The following PALLD variants were observed in gnomAD, a reference collection of about 807,000 sequenced individuals.
PALLD encodes palladin, cytoskeletal associated protein, also known as palladin.
Under a neutral mutation model 123.5 loss-of-function variants are expected in PALLD, and 61 were observed. The observed-to-expected ratio is 0.49, with a 90% CI of 0.40 to 0.61. PALLD has a LOEUF of 0.61. PALLD is among the 20% of genes least tolerant of loss of function. The probability of loss-of-function intolerance (pLI) is 0.00; values close to 1 mark genes in which losing one functional copy is unlikely to be tolerated. For synonymous variants in PALLD, 465 were observed against 496.4 expected (o/e 0.94, Z 0.84); for missense variants, 1,273 against 1,377.0 (o/e 0.92, Z 1.20).
At chr4:168,704,833 C>G (rs1221546843) in intron 8 of PALLD, among the ~76,000 whole-genome samples, 1 of 151,962 alleles carries the variant, frequency 6.6e-6, no homozygotes, top group Non-Finnish European at 1.5e-5. Flanking sequence ...GGTTGCAAAG[C>G]TATCAAGACA....
chr4:168,828,636 A>G (rs10017455), intron 10 of PALLD, among the ~76,000 whole-genome samples: 1 of 152,048 alleles, frequency 6.6e-6, no homozygotes, highest in Non-Finnish European at 1.5e-5. Context: ...CACTATTTTC[A>G]TTGTGAGAAA....
intron 2 of PALLD, among the ~76,000 whole-genome samples, chr4:168,666,751 A>G (rs945279441): frequency 6.6e-6 from 1 of 152,354 alleles, no homozygotes; most frequent in Non-Finnish European, 1.5e-5. Context: ...GAAAGAATTT[A>G]TAGTCTGCTG....
rs869040811 is a variant in PALLD, at chr4:168,719,252, CTTTTTTT to C, written c.1964+7346_1964+7352del. ...CTAAGTAATTATCAAAAGTAATCTTCTTTTTTTTTTTTTTTTTTTTTTTGAGAAAAAT... is the reference window on the plus strand; with the variant it reads ...CTAAGTAATTATCAAAAGTAATCTTCTTTTTTTTTTTTTTTTGAGAAAAAT... On this transcript the variant is annotated intron_variant, in intron 10 of 21. Transcript: ENST00000505667. Among the ~76,000 whole-genome samples the C allele has an allele frequency of 2.1e-3, 177 of 85,714 alleles. 1 individual carries two copies. The highest frequency in any genetic ancestry group is 4.1e-3 in the Admixed American group (25 of 6,064). The allele number at this position is 85,714 out of a possible 152,430, so 56.2% of individuals were successfully genotyped here.
intron 10 of PALLD, among the ~76,000 whole-genome samples, chr4:168,801,628 G>T (rs373641709): frequency 2.0e-5 from 3 of 152,128 alleles, no homozygotes; most frequent in South Asian, 4.1e-4. Flanking sequence ...TTAAATAATT[G>T]CTTACAAGAC....
At chr4:168,670,838 C>A (rs1780194215) in intron 3 of PALLD, among the ~76,000 whole-genome samples, 2 of 147,916 alleles carry the variant, frequency 1.4e-5, no homozygotes, top group South Asian at 4.3e-4. Context: ...GTAATCCCAG[C>A]ACTTTGGGAG....
At chr4:168,862,752 G>C (rs1026749798) in intron 10 of PALLD, among the ~76,000 whole-genome samples, 1 of 152,166 alleles carries the variant, frequency 6.6e-6, no homozygotes, top group African/African-American at 2.4e-5. Context: ...AGGGGATGTG[G>C]ATACTAAAAC....
chr4:168,663,102 A>G (rs1336089481), intron 2 of PALLD, among the ~76,000 whole-genome samples: 1 of 152,222 alleles, frequency 6.6e-6, no homozygotes, highest in Non-Finnish European at 1.5e-5. Flanking sequence ...ATCTGTAAGC[A>G]TATTCTTCTT....
chr4:168,649,852 A>T (rs1461907269), intron 2 of PALLD, among the ~76,000 whole-genome samples: 1 of 152,214 alleles, frequency 6.6e-6, no homozygotes, highest in African/African-American at 2.4e-5. Context: ...GTTTTTCTTC[A>T]GGTTTCTCTT....
chr4:168,848,720 A>G (rs1450925305), intron 10 of PALLD, among the ~76,000 whole-genome samples: 4 of 152,210 alleles, frequency 2.6e-5, no homozygotes, highest in Middle Eastern at 3.2e-3. Flanking sequence ...ACATTGGCAA[A>G]ATGTATTTCA....
At chr4:168,729,482 T>C (rs372143645) in intron 10 of PALLD, among the ~76,000 whole-genome samples, 16 of 152,124 alleles carry the variant, frequency 1.1e-4, no homozygotes, top group African/African-American at 3.4e-4. Context: ...TTCTTAAACA[T>C]TGTTTTTCTC....
intron 13 of PALLD, among the ~76,000 whole-genome samples, chr4:168,897,088 C>T (rs1358029281): frequency 2.0e-5 from 3 of 152,196 alleles, no homozygotes; most frequent in Non-Finnish European, 4.4e-5. Context: ...GCCTTGGCTT[C>T]CCAAAGCGCT....
chr4:168,903,975 A>C, intron 15 of PALLD, 69 bp downstream of exon 15: 1 of 1,387,546 alleles, frequency 7.2e-7, no homozygotes, highest in Non-Finnish European at 1.0e-6. Context: ...TAGACAAAGG[A>C]ACTATTTAAA....
In PALLD at chr4:168,927,951, C is replaced by G. The variant is rs1479360592; in HGVS notation, c.*1771C>G. ...AGTGGCCTCTCTTAGCTCAGTTACT[C>G]AATTCATACGTAGTATTTTTTAAAA... On this transcript the variant is annotated 3_prime_UTR_variant, in exon 22 of 22. Coordinates refer to ENST00000505667, the MANE Select transcript of PALLD (RefSeq NM_001166108.2). 1.0e-5 allele frequency: 2 copies of G among 198,522 alleles called. No individual in the cohort carries two copies. Among genetic ancestry groups the G allele is most frequent in the Non-Finnish European group, 2.1e-5 (2 of 95,930 alleles). 12.3% of individuals were successfully genotyped at this position (198,522 alleles called of 1,614,324 possible).
At chr4:168,590,121 T>C (rs1771254128) in intron 2 of PALLD, among the ~76,000 whole-genome samples, 1 of 152,248 alleles carries the variant, frequency 6.6e-6, no homozygotes, top group Non-Finnish European at 1.5e-5. Flanking sequence ...GGGGATCACC[T>C]GAGGTCAGGA....
chr4:168,542,626 T>C (rs1369860602), intron 2 of PALLD, among the ~76,000 whole-genome samples: 1 of 144,956 alleles, frequency 6.9e-6, no homozygotes, highest in Non-Finnish European at 1.5e-5. Context: ...TATGTAAAGC[T>C]ATATGTAAGG....
intron 9 of PALLD, among the ~76,000 whole-genome samples, chr4:168,711,157 T>C (rs1364625687): frequency 6.6e-6 from 1 of 152,240 alleles, no homozygotes; most frequent in Non-Finnish European, 1.5e-5. Flanking sequence ...TAGCTTTAGA[T>C]GAATATCCAC....
At chr4:168,838,322 A>C (rs577156934) in intron 10 of PALLD, among the ~76,000 whole-genome samples, 1 of 152,272 alleles carries the variant, frequency 6.6e-6, no homozygotes, top group South Asian at 2.1e-4. Flanking sequence ...ATTCTCCTGT[A>C]GCCCCAGAAA....
chr4:168,504,410 A>G (rs1021048991), intron 1 of PALLD, among the ~76,000 whole-genome samples: 1 of 152,184 alleles, frequency 6.6e-6, no homozygotes, highest in Non-Finnish European at 1.5e-5. Flanking sequence ...CCTGGCCAAT[A>G]TGGTGAAACC....
intron 2 of PALLD, among the ~76,000 whole-genome samples, chr4:168,523,398 T>C (rs1216064260): frequency 1.3e-5 from 2 of 152,090 alleles, no homozygotes; most frequent in Non-Finnish European, 2.9e-5. Flanking sequence ...TACAGACCAA[T>C]TGCTTTGACA....
Sources: gnomAD v4.1 joint callset for allele counts (sites outside exome capture counted in the v4.1 genomes callset) on GRCh38, gnomAD v4.1.1 for gene constraint, MANE v1.5 for transcripts, NCBI Gene and HGNC (gene_info 2026-07-23, HGNC 2026-07-21) for gene names.